EPHA5: variants seen among roughly 807,000 people sequenced by gnomAD.
EPHA5 encodes the protein ephrin type-A receptor 5.
EPHA5 carries 60 observed loss-of-function variants against 105.0 expected under a neutral mutation model. The ratio of observed to expected loss-of-function variants is 0.57; its 90% CI spans 0.46 to 0.71. EPHA5 has a LOEUF of 0.71. EPHA5 is among the 30% of genes least tolerant of loss of function. EPHA5 has a pLI of 0.00. For missense variants in EPHA5, 1,218 were observed against 1,274.7 expected (o/e 0.96, Z 0.68); for synonymous variants, 513 against 449.1 (o/e 1.14, Z -1.80).
chr4:65,616,448 CACACACAGAGAG>C (rs1245713833), intron 2 of EPHA5, among the ~76,000 whole-genome samples: 30 of 150,190 alleles, frequency 2.0e-4, no homozygotes, highest in Non-Finnish European at 4.3e-4. Context: ...CACACACACA[CACACACAGAGAG>C]AGAGAGAGAG....
At chr4:65,327,196 G>C (rs34010515) in intron 16 of EPHA5, among the ~76,000 whole-genome samples, 1 of 151,050 alleles carries the variant, frequency 6.6e-6, no homozygotes, top group African/African-American at 2.4e-5. Context: ...ATAAATGTGG[G>C]TATTGTTTGA....
At chr4:65,545,776 C>T (rs1235416500) in intron 3 of EPHA5, among the ~76,000 whole-genome samples, 1 of 151,844 alleles carries the variant, frequency 6.6e-6, no homozygotes, top group Non-Finnish European at 1.5e-5. Flanking sequence ...TTCCATGTTG[C>T]ACCAATGATC....
intron 2 of EPHA5, among the ~76,000 whole-genome samples, chr4:65,638,131 G>T (rs543216845): frequency 3.2e-4 from 48 of 152,206 alleles, no homozygotes; most frequent in African/African-American, 1.1e-3. Flanking sequence ...TCTGAAAAAA[G>T]TGAAGAAAGT....
chr4:65,391,884 C>A (rs1308374739), intron 8 of EPHA5, among the ~76,000 whole-genome samples: 2 of 152,100 alleles, frequency 1.3e-5, no homozygotes, highest in African/African-American at 2.4e-5. Flanking sequence ...TAATTTATAT[C>A]TTTGCAAGTG....
intron 3 of EPHA5, among the ~76,000 whole-genome samples, chr4:65,591,226 T>C (rs1376004924): frequency 6.6e-6 from 1 of 152,136 alleles, no homozygotes; most frequent in East Asian, 1.9e-4. Flanking sequence ...ATGAAGAGAT[T>C]ATGAAATAGA....
intron 15 of EPHA5, among the ~76,000 whole-genome samples, chr4:65,333,766 C>T (rs1481878518): frequency 1.3e-5 from 2 of 151,132 alleles, no homozygotes; most frequent in Non-Finnish European, 3.0e-5. Flanking sequence ...TTTTTGTTTC[C>T]AGACTAAGAT....
intron 16 of EPHA5, chr4:65,331,695 C>A: frequency 1.7e-6 from 2 of 1,152,554 alleles, no homozygotes; most frequent in Non-Finnish European, 2.1e-6. Flanking sequence ...AACATCTTTT[C>A]CACAACACAA....
At chr4:65,618,640 A>T (rs895688423) in intron 2 of EPHA5, among the ~76,000 whole-genome samples, 1 of 152,200 alleles carries the variant, frequency 6.6e-6, no homozygotes, top group African/African-American at 2.4e-5. Context: ...TTCTGCTACG[A>T]ATTTTACAGT....
intron 5 of EPHA5, among the ~76,000 whole-genome samples, chr4:65,434,365 C>T (rs1302924016): frequency 1.3e-5 from 2 of 152,036 alleles, no homozygotes; most frequent in Non-Finnish European, 2.9e-5. Flanking sequence ...TCCTGGTTTT[C>T]GCCATGTTTG....
intron 7 of EPHA5, among the ~76,000 whole-genome samples, chr4:65,409,956 T>C (rs1428087286): frequency 1.3e-5 from 2 of 152,192 alleles, no homozygotes; most frequent in Non-Finnish European, 2.9e-5. Context: ...CATCCATTGC[T>C]GGTGGAAACG....
intron 5 of EPHA5, among the ~76,000 whole-genome samples, chr4:65,457,445 A>G (rs1727706771): frequency 6.6e-6 from 1 of 152,192 alleles, no homozygotes; most frequent in Admixed American, 6.5e-5. Context: ...GTTATACATT[A>G]AATAAGTAAT....
chr4:65,410,875 G>A (rs547003691), intron 7 of EPHA5, among the ~76,000 whole-genome samples: 1 of 152,138 alleles, frequency 6.6e-6, no homozygotes, highest in Non-Finnish European at 1.5e-5. Flanking sequence ...AAAATTAAAA[G>A]AATCACAAAT....
chr4:65,547,428 T>C (rs1737485958), intron 3 of EPHA5, among the ~76,000 whole-genome samples: 1 of 151,874 alleles, frequency 6.6e-6, no homozygotes, highest in Admixed American at 6.6e-5. Flanking sequence ...TCAGTCAATA[T>C]ACATTGACTG....
chr4:65,544,384 C>G (rs559363966), intron 3 of EPHA5, among the ~76,000 whole-genome samples: 1 of 151,128 alleles, frequency 6.6e-6, no homozygotes, highest in African/African-American at 2.4e-5. Flanking sequence ...TTACAAGAAA[C>G]AAAACAAACA....
chr4:65,662,490 C>T (rs1749634687), intron 1 of EPHA5, among the ~76,000 whole-genome samples: 1 of 151,948 alleles, frequency 6.6e-6, no homozygotes, highest in Non-Finnish European at 1.5e-5. Context: ...CACTTTAATC[C>T]CAATTATTTA....
chr4:65,367,226 A>G, intron 9 of EPHA5, 131 bp downstream of exon 9: 1 of 748,552 alleles, frequency 1.3e-6, no homozygotes, highest in Non-Finnish European at 2.1e-6. Flanking sequence ...TGTAACAAAT[A>G]GAACACTTTT....
intron 3 of EPHA5, among the ~76,000 whole-genome samples, chr4:65,533,239 A>T (rs996796898): frequency 6.6e-6 from 1 of 152,180 alleles, no homozygotes; most frequent in African/African-American, 2.4e-5. Context: ...GAATGTTAAA[A>T]AAATTAATTT....
chr4:65,510,677 A>T (rs1733532513), intron 3 of EPHA5, among the ~76,000 whole-genome samples: 1 of 152,158 alleles, frequency 6.6e-6, no homozygotes, highest in Admixed American at 6.5e-5. Context: ...GGTTACTATG[A>T]TTGATTTGGC....
intron 3 of EPHA5, among the ~76,000 whole-genome samples, chr4:65,509,605 G>A (rs1733401614): frequency 6.6e-6 from 1 of 152,138 alleles, no homozygotes; most frequent in South Asian, 2.1e-4. Context: ...ATATTGTAAA[G>A]CATATTCCTT....
Sources: allele counts gnomAD v4.1 joint callset (sites outside exome capture counted in the v4.1 genomes callset), GRCh38; gene constraint gnomAD v4.1.1; transcripts MANE v1.5; gene names NCBI Gene and HGNC (gene_info 2026-07-23, HGNC 2026-07-21).